TMEM132D: variants seen among roughly 807,000 people sequenced by gnomAD.
The protein encoded by TMEM132D is mature OL transmembrane protein.
Under a neutral mutation model 62.3 loss-of-function variants are expected in TMEM132D, and 21 were observed. That is an observed-to-expected ratio of 0.34 (90% CI 0.24 to 0.49). TMEM132D has a LOEUF of 0.49. Ranked by LOEUF, TMEM132D falls within the 20% of genes least tolerant of loss-of-function variation. The pLI is 0.99. For missense variants in TMEM132D, 1,346 were observed against 1,402.8 expected (o/e 0.96, Z 0.65); for synonymous variants, 621 against 575.6 (o/e 1.08, Z -1.13).
intron 5 of TMEM132D, among the ~76,000 whole-genome samples, chr12:129,190,704 C>T (rs1330686117): frequency 6.6e-6 from 1 of 152,176 alleles, no homozygotes; most frequent in Non-Finnish European, 1.5e-5. Context: ...GGCAGCCCTG[C>T]TGAGACCTTG....
rs1244392483 is a variant in TMEM132D at position 129,473,331 on chromosome 12, T to TTTG, written c.1115+57727_1115+57728insCAA. On this transcript the variant is annotated intron_variant, in intron 3 of 8. Transcript: ENST00000422113. ...AAAGTGATTTTAGTTTTTGTTTTTT[T>TTTG]TTTTTTTTTTTTTTTGAGACCAAGT... Among the ~76,000 whole-genome samples, 26 of 134,296 alleles carry TTTG rather than the reference T, an allele frequency of 1.9e-4. 1 individual carries two copies. Among genetic ancestry groups the TTTG allele is most frequent in the African/African-American group, 4.3e-4 (15 of 35,240 alleles). The allele number at this position is 134,296 out of a possible 152,430, so 88.1% of individuals were successfully genotyped here.
chr12:129,243,731 A>G (rs1049556342), intron 4 of TMEM132D, among the ~76,000 whole-genome samples: 2 of 152,218 alleles, frequency 1.3e-5, no homozygotes, highest in African/African-American at 4.8e-5. Context: ...AAAGTAAATT[A>G]GATTCTTTAA....
At chr12:129,854,248 T>C (rs1873643074) in intron 1 of TMEM132D, among the ~76,000 whole-genome samples, 1 of 152,132 alleles carries the variant, frequency 6.6e-6, no homozygotes, top group Non-Finnish European at 1.5e-5. Context: ...CCAGGCACTG[T>C]CCTTAGCTGT....
chr12:129,637,800 G>A (rs529051854), intron 2 of TMEM132D, among the ~76,000 whole-genome samples: 1 of 152,250 alleles, frequency 6.6e-6, no homozygotes, highest in South Asian at 2.1e-4. Flanking sequence ...TTACATGGCA[G>A]GAGAAGGAGC....
chr12:129,699,781 G>T lies in TMEM132D; in HGVS notation c.968+29C>A, dbSNP rs750768796. 5 of 1,608,914 alleles carry T rather than the reference G, an allele frequency of 3.1e-6. No individual in the cohort carries two copies. In the Admixed American group the frequency reaches 8.4e-5, roughly 27 times the overall value. On this transcript the variant is annotated intron_variant, in intron 2 of 8. Coordinates refer to ENST00000422113, the MANE Select transcript of TMEM132D (RefSeq NM_133448.3). ...AAAACACCACCTGATCGACGGGCGG[G>T]TACAGACAGACATTGGGAAACGACT...
intron 2 of TMEM132D, among the ~76,000 whole-genome samples, chr12:129,583,598 C>T (rs2137128722): frequency 6.6e-6 from 1 of 152,314 alleles, no homozygotes; most frequent in East Asian, 1.9e-4. Flanking sequence ...TTCCACAGAG[C>T]TTGCACTCCA....
intron 2 of TMEM132D, among the ~76,000 whole-genome samples, chr12:129,569,728 A>C (rs893025176): frequency 6.6e-6 from 1 of 152,176 alleles, no homozygotes; most frequent in Non-Finnish European, 1.5e-5. Flanking sequence ...GACTCCACTG[A>C]AGTGCCAGCC....
At chr12:129,383,964 C>T (rs930978925) in intron 3 of TMEM132D, among the ~76,000 whole-genome samples, 1 of 152,164 alleles carries the variant, frequency 6.6e-6, no homozygotes, top group African/African-American at 2.4e-5. Context: ...CCGCAGTCAC[C>T]CAGTATCCTC....
intron 2 of TMEM132D, among the ~76,000 whole-genome samples, chr12:129,627,798 G>A (rs1184482410): frequency 6.6e-6 from 1 of 152,040 alleles, no homozygotes; most frequent in Non-Finnish European, 1.5e-5. Flanking sequence ...ACCAACCTGG[G>A]CAACATGGCA....
At chr12:129,145,720 TC>T (rs1876875852) in intron 5 of TMEM132D, among the ~76,000 whole-genome samples, 1 of 152,162 alleles carries the variant, frequency 6.6e-6, no homozygotes, top group Admixed American at 6.5e-5. Context: ...CCCAGCTTTT[TC>T]AGTCACTTTC....
At chr12:129,263,884 C>T (rs1452832711) in intron 4 of TMEM132D, among the ~76,000 whole-genome samples, 1 of 151,950 alleles carries the variant, frequency 6.6e-6, no homozygotes, top group Non-Finnish European at 1.5e-5. Flanking sequence ...CTGCAAGTGA[C>T]AGAAAATCAA....
At chr12:129,159,432 G>A (rs898778414) in intron 5 of TMEM132D, among the ~76,000 whole-genome samples, 1 of 152,064 alleles carries the variant, frequency 6.6e-6, no homozygotes, top group African/African-American at 2.4e-5. Flanking sequence ...AGAAACACAC[G>A]AAGAGAGATA....
In TMEM132D at chr12:129,779,328, G is replaced by A. The variant is rs1240713413; in HGVS notation, c.80-78630C>T. Among the ~76,000 whole-genome samples, 11 of 152,132 alleles carry A rather than the reference G, an allele frequency of 7.2e-5. No homozygotes were observed. Among genetic ancestry groups the A allele is most frequent in the South Asian group, 2.1e-4 (1 of 4,822 alleles). Reference sequence around the variant, plus strand: ...GTTTGAGACAGGGTCTCACTTTGTCGCCCAGGCTGGAGAGCAGTGGTGTTA... The same window carrying A: ...GTTTGAGACAGGGTCTCACTTTGTCACCCAGGCTGGAGAGCAGTGGTGTTA... On this transcript the variant is annotated intron_variant, in intron 1 of 8. Coordinates refer to ENST00000422113, the MANE Select transcript of TMEM132D (RefSeq NM_133448.3). The surrounding 1 kb of genome is among the most constrained non-coding windows in gnomAD (Gnocchi z 4.1).
chr12:129,463,824 A>G (rs1261914775), intron 3 of TMEM132D, among the ~76,000 whole-genome samples: 1 of 151,940 alleles, frequency 6.6e-6, no homozygotes, highest in Non-Finnish European at 1.5e-5. Flanking sequence ...TTATGGCTGC[A>G]TAGTATTCCA....
In TMEM132D at chr12:129,329,195, T is replaced by C. The variant is rs185451089; in HGVS notation, c.1299+8439A>G. 3.4e-3 allele frequency among the ~76,000 whole-genome samples: 521 copies of C among 152,168 alleles called. 2 individuals are homozygous for C. The highest frequency in any genetic ancestry group is 0.02 in the Middle Eastern group (6 of 294). On this transcript the variant is annotated intron_variant, in intron 4 of 8. Transcript: ENST00000422113. ...AGTTCCTAGAACCATGCATGGTACC[T>C]AATGAACAGTAAGTATTTGGTGTAA...
At chr12:129,153,541 C>T (rs1877141494) in intron 5 of TMEM132D, among the ~76,000 whole-genome samples, 1 of 152,162 alleles carries the variant, frequency 6.6e-6, no homozygotes, top group South Asian at 2.1e-4. Context: ...TTTCTACCTA[C>T]AGCGTTTCTG....
chr12:129,074,388 C>T lies in TMEM132D; in HGVS notation c.2787G>A (p.Leu929=). 6.2e-7 allele frequency: 1 copy of T among 1,613,944 alleles called. No individual in the cohort carries two copies. Among genetic ancestry groups the T allele is most frequent in the African/African-American group, 1.3e-5 (1 of 74,936 alleles). ...AGTTTATCAAGAAGACCAAAATGGC[C>T]AAACAGAAGACTCCCAACAAAGCAT... The part of the protein sequence containing the change: ...GMYALLGVFC[L]AILVFLINCV... Residue 929 remains leucine (L), a synonymous_variant, in exon 9 of 9, where the codon TTG becomes TTA. Coordinates refer to ENST00000422113, the MANE Select transcript of TMEM132D (RefSeq NM_133448.3).
intron 1 of TMEM132D, among the ~76,000 whole-genome samples, chr12:129,783,353 C>T (rs368928728): frequency 3.3e-5 from 5 of 152,234 alleles, no homozygotes; most frequent in East Asian, 3.9e-4. Context: ...TTCAGAGACA[C>T]GAATGGTCAA....
Position 129,530,989 on chromosome 12 carries a change from G to C in TMEM132D, c.1115+70C>G, listed in dbSNP as rs1485937689. The C allele has an allele frequency of 5.5e-6, 4 of 722,518 alleles. No individual in the cohort carries two copies. The Admixed American group carries it at 1.5e-4, about 27-fold the overall frequency. 44.8% of individuals were successfully genotyped at this position (722,518 alleles called of 1,614,324 possible). On this transcript the variant is annotated intron_variant, in intron 3 of 8. Coordinates refer to ENST00000422113, the MANE Select transcript of TMEM132D (RefSeq NM_133448.3). ...AGTGGAAATGGTTGTTAGCAATCTA[G>C]GAAAAAAAAAAAAAAATCAGGCCAC...
Sources: allele counts gnomAD v4.1 joint callset (sites outside exome capture counted in the v4.1 genomes callset), GRCh38; gene constraint gnomAD v4.1.1; non-coding constraint Gnocchi (gnomAD v3.1); transcripts MANE v1.5; gene names NCBI Gene and HGNC (gene_info 2026-07-23, HGNC 2026-07-21).